The following IL12RB2 variants were observed in gnomAD, a reference collection of about 807,000 sequenced individuals.
The protein encoded by IL12RB2 is interleukin-12 receptor subunit beta-2.
A neutral mutation model predicts 89.4 loss-of-function variants in IL12RB2; 82 were observed. The ratio of observed to expected loss-of-function variants is 0.92; its 90% confidence interval spans 0.77 to 1.10. The LOEUF is 1.10. IL12RB2 is among the 50% of genes least tolerant of loss of function. The pLI, the probability that IL12RB2 is intolerant of heterozygous loss-of-function variation, is 0.00. For missense variants in IL12RB2, 963 were observed against 1,031.9 expected (o/e 0.93, Z 0.92); for synonymous variants, 368 against 370.1 (o/e 0.99, Z 0.07).
intron 13 of IL12RB2, among the ~76,000 whole-genome samples, chr1:67,376,718 A>G (rs61779823): frequency 8.7e-5 from 10 of 115,160 alleles, no homozygotes; most frequent in African/African-American, 2.4e-4. Flanking sequence ...GTGTGTGTGT[A>G]TGTGTGTTTG....
At chr1:67,381,783 A>G (rs1570166461) in intron 14 of IL12RB2, among the ~76,000 whole-genome samples, 1 of 43,238 alleles carries the variant, frequency 2.3e-5, no homozygotes, top group East Asian at 5.1e-4. Flanking sequence ...AAAAAAAAAA[A>G]AAGAAAGAAA....
At chr1:67,373,812 A>G (rs2101023705) in intron 13 of IL12RB2, among the ~76,000 whole-genome samples, 1 of 152,344 alleles carries the variant, frequency 6.6e-6, no homozygotes, top group Middle Eastern at 3.4e-3. Context: ...TAGGCCCAAG[A>G]ACAATGCAAC....
At chr1:67,336,881 A>G (rs1658838922) in intron 8 of IL12RB2, among the ~76,000 whole-genome samples, 1 of 152,218 alleles carries the variant, frequency 6.6e-6, no homozygotes, top group Non-Finnish European at 1.5e-5. Context: ...CAAATGCGGG[A>G]AACAGCAAGA....
intron 16 of IL12RB2, among the ~76,000 whole-genome samples, chr1:67,391,803 AT>A (rs1253707126): frequency 6.6e-6 from 1 of 151,072 alleles, no homozygotes; most frequent in African/African-American, 2.4e-5. Context: ...TGCCCGGCTA[AT>A]TTTTTTTTAT....
intron 9 of IL12RB2, among the ~76,000 whole-genome samples, chr1:67,349,502 C>T (rs1025867800): frequency 1.3e-5 from 2 of 152,188 alleles, no homozygotes; most frequent in African/African-American, 4.8e-5. Context: ...AAAGCACTTG[C>T]TTATTCTAAT....
At position 67,328,313 on chromosome 1, in the gene IL12RB2, C is replaced by G; in HGVS notation, c.593C>G (p.Ala198Gly). 1 of 1,614,160 alleles carries G rather than the reference C, an allele frequency of 6.2e-7. No homozygotes were observed. Among genetic ancestry groups the G allele is most frequent in the Non-Finnish European group, 8.5e-7 (1 of 1,180,020 alleles). Residue 198 changes from alanine (A) to glycine (G), a missense_variant, in exon 6 of 17, where the codon GCC becomes GGC. Ala to Gly is a moderately conservative substitution (Grantham distance 60). Coordinates refer to ENST00000674203, the MANE Select transcript of IL12RB2 (RefSeq NM_001374259.2). Reference sequence around the variant, plus strand: ...GAATCACCTGAATCCAATTTCACAGCCAAGGTTACTGCTGTCAATAGTCTT... The same window carrying G: ...GAATCACCTGAATCCAATTTCACAGGCAAGGTTACTGCTGTCAATAGTCTT... The part of the protein sequence containing the change: ...TPESPESNFT[A>G]KVTAVNSLGS...
rs1034144284 is a variant in IL12RB2, at chr1:67,350,945, G to A, written c.1114G>A (p.Ala372Thr). Residue 372 changes from alanine (A) to threonine (T), a missense_variant, in exon 10 of 17, where the codon GCC becomes ACC. Coordinates refer to ENST00000674203, the MANE Select transcript of IL12RB2 (RefSeq NM_001374259.2). ...VTLQELTGGK[A>T]MTQNITGHTS... ...CTTGCAGGAGCTGACAGGAGGGAAA[G>A]CCATGACACAGAACATCACAGGACA... The A allele has an allele frequency of 6.2e-7, 1 of 1,614,160 alleles. No homozygotes were observed. Among genetic ancestry groups the A allele is most frequent in the South Asian group, 1.1e-5 (1 of 91,082 alleles).
chr1:67,328,424 A>G, intron 6 of IL12RB2, 40 bp downstream of exon 6: 2 of 1,611,018 alleles, frequency 1.2e-6, no homozygotes, highest in Non-Finnish European at 1.7e-6. Flanking sequence ...CTTTATAATT[A>G]TTTTTAAAAT....
At chr1:67,390,845 C>G (rs1444525090) in intron 16 of IL12RB2, among the ~76,000 whole-genome samples, 3 of 152,066 alleles carry the variant, frequency 2.0e-5, no homozygotes, top group African/African-American at 7.2e-5. Context: ...GTCAATATTC[C>G]TCCCATCACC....
intron 16 of IL12RB2, among the ~76,000 whole-genome samples, chr1:67,391,344 GATA>G (rs1382551412): frequency 2.8e-5 from 4 of 144,586 alleles, no homozygotes; most frequent in East Asian, 2.1e-4. Flanking sequence ...CAAAAACAGT[GATA>G]ATAACAGCAG....
chr1:67,362,812 A>T (rs999883602), intron 10 of IL12RB2, among the ~76,000 whole-genome samples: 1 of 152,278 alleles, frequency 6.6e-6, no homozygotes, highest in Non-Finnish European at 1.5e-5. Flanking sequence ...TTCAGAGAGA[A>T]GGAAAATGAG....
upstream of IL12RB2, chr1:67,307,749 C>G (rs966066906): frequency 1.3e-5 from 2 of 152,238 alleles, no homozygotes; most frequent in African/African-American, 4.8e-5. Context: ...CAGCCCCGAC[C>G]CCCGCCCCGG....
intron 16 of IL12RB2, among the ~76,000 whole-genome samples, chr1:67,393,724 G>A (rs990564278): frequency 3.9e-5 from 6 of 152,220 alleles, no homozygotes; most frequent in Admixed American, 3.9e-4. Flanking sequence ...GGGGATGTAA[G>A]AAGAAGATCC....
At chr1:67,355,142 C>T (rs567941369) in intron 10 of IL12RB2, among the ~76,000 whole-genome samples, 9 of 151,824 alleles carry the variant, frequency 5.9e-5, no homozygotes, top group Admixed American at 1.3e-4. Flanking sequence ...GGCCAGGCGC[C>T]GTGGCTCACG....
At chr1:67,349,985 A>T (rs2100836830) in intron 9 of IL12RB2, among the ~76,000 whole-genome samples, 1 of 152,338 alleles carries the variant, frequency 6.6e-6, no homozygotes, top group Admixed American at 6.5e-5. Flanking sequence ...TGAGCAGGGA[A>T]CCCAGGCAAG....
intron 11 of IL12RB2, 119 bp downstream of exon 11, chr1:67,368,144 T>C: frequency 1.4e-6 from 1 of 724,244 alleles, no homozygotes; most frequent in Admixed American, 2.0e-5. Context: ...TGAGAGAGAC[T>C]GATGACCTAG....
chr1:67,350,837 G>C, intron 9 of IL12RB2, 33 bp from the exon 10 acceptor site: 1 of 1,612,294 alleles, frequency 6.2e-7, no homozygotes, highest in Non-Finnish European at 8.5e-7. Context: ...TCTTGTCTGG[G>C]AGTAAATAGT....
In IL12RB2 at chr1:67,386,638, G is replaced by T; in HGVS notation, c.1915G>T (p.Gly639Cys). The change falls in exon 15 of 17, where the codon GGC (glycine) becomes TGC (cysteine). Residue 639 changes from glycine (G) to cysteine (C), a missense_variant. Physicochemically the swap from Gly to Cys is radical, Grantham distance 159 (BLOSUM62 -3). Transcript: ENST00000674203. ...PSICIAIIMV[G>C]IFSTHYFQQK... Reference sequence around the variant, plus strand: ...CATTTGCATTGCTATCATCATGGTGGGCATTTTCTCAACGCATTACTTCCA... The same window carrying T: ...CATTTGCATTGCTATCATCATGGTGTGCATTTTCTCAACGCATTACTTCCA... 1 of 1,613,230 alleles carries T rather than the reference G, an allele frequency of 6.2e-7. No homozygotes were observed. Among genetic ancestry groups the T allele is most frequent in the Non-Finnish European group, 8.5e-7 (1 of 1,179,424 alleles).
At chr1:67,362,393 C>T (rs539785184) in intron 10 of IL12RB2, among the ~76,000 whole-genome samples, 2 of 147,020 alleles carry the variant, frequency 1.4e-5, no homozygotes, top group East Asian at 2.0e-4. Context: ...GGTGAAACCC[C>T]GTCTCTACTA....
Sources: allele counts gnomAD v4.1 joint callset (sites outside exome capture counted in the v4.1 genomes callset), GRCh38; gene constraint gnomAD v4.1.1; transcripts MANE v1.5; gene names NCBI Gene and HGNC (gene_info 2026-07-23, HGNC 2026-07-21).